Variants in CACNA2D2 observed in about 807,000 individuals in gnomAD.
CACNA2D2 encodes the protein calcium voltage-gated channel auxiliary subunit alpha2delta 2.
Under a neutral mutation model 166.4 loss-of-function variants are expected in CACNA2D2, and 48 were observed. That is an observed-to-expected ratio of 0.29 (90% confidence interval 0.23 to 0.37). The LOEUF (loss-of-function observed/expected upper bound fraction) is 0.37, where lower values mean the gene tolerates loss of function less well. Among genes scored for constraint, CACNA2D2 ranks in the 10% least tolerant of loss-of-function variants. The pLI is 1.00. For missense variants in CACNA2D2, 1,122 were observed against 1,433.0 expected (o/e 0.78, Z 3.50); for synonymous variants, 561 against 573.7 (o/e 0.98, Z 0.32).
chr3:50,445,245 G>T (rs1343998540), intron 2 of CACNA2D2, among the ~76,000 whole-genome samples: 1 of 152,140 alleles, frequency 6.6e-6, no homozygotes, highest in African/African-American at 2.4e-5. Context: ...CATAGGTGCC[G>T]GACCTGGATG....
intron 22 of CACNA2D2, chr3:50,372,970 G>T: frequency 1.1e-6 from 1 of 951,106 alleles, no homozygotes; most frequent in Non-Finnish European, 1.6e-6. Context: ...GGAGAGCAGG[G>T]GTTTGGCTGG....
chr3:50,440,607 C>T (rs1305100308), intron 2 of CACNA2D2, among the ~76,000 whole-genome samples: 2 of 152,248 alleles, frequency 1.3e-5, no homozygotes, highest in Non-Finnish European at 2.9e-5. Flanking sequence ...AATCAGCCTG[C>T]ACGGGCTACA....
chr3:50,371,096 C>T, intron 22 of CACNA2D2, among the ~76,000 whole-genome samples: 1 of 152,020 alleles, frequency 6.6e-6, no homozygotes, highest in East Asian at 1.9e-4. Flanking sequence ...GGAGTGTTCC[C>T]ACAGTGTGGG....
intron 2 of CACNA2D2, among the ~76,000 whole-genome samples, chr3:50,468,303 A>T (rs1709908884): frequency 6.6e-6 from 1 of 151,152 alleles, no homozygotes; most frequent in East Asian, 2.0e-4. Flanking sequence ...GCTGAGTTTG[A>T]ACTGATCTCC....
At chr3:50,382,629 T>C (rs147261885) in intron 6 of CACNA2D2, among the ~76,000 whole-genome samples, 1 of 152,352 alleles carries the variant, frequency 6.6e-6, no homozygotes, top group African/African-American at 2.4e-5. Flanking sequence ...CTGTTCCTAA[T>C]TTAGAAACTT....
intron 1 of CACNA2D2, 125 bp from the exon 2 acceptor site, chr3:50,476,324 AC>A: frequency 1.4e-6 from 1 of 697,064 alleles, no homozygotes; most frequent in Non-Finnish European, 2.5e-6. Flanking sequence ...CTAGAGGAGG[AC>A]CCACAGCAAG....
At chr3:50,446,135 G>A (rs1708835905) in intron 2 of CACNA2D2, among the ~76,000 whole-genome samples, 1 of 152,240 alleles carries the variant, frequency 6.6e-6, no homozygotes, top group Non-Finnish European at 1.5e-5. Context: ...TAAGTTAAGT[G>A]TGCTATGCTC....
chr3:50,406,558 C>G (rs1397588645), intron 3 of CACNA2D2, among the ~76,000 whole-genome samples: 4 of 151,754 alleles, frequency 2.6e-5, no homozygotes, highest in African/African-American at 9.7e-5. Flanking sequence ...TAACCAGCAC[C>G]AATGTCCCCA....
intron 1 of CACNA2D2, among the ~76,000 whole-genome samples, chr3:50,488,698 TTTTG>T (rs1395358161): frequency 6.6e-6 from 1 of 151,432 alleles, no homozygotes; most frequent in African/African-American, 2.4e-5. Flanking sequence ...GGTGTTTTTT[TTTTG>T]TTTGTTTTTG....
At chr3:50,377,975 C>T in intron 15 of CACNA2D2, 33 bp downstream of exon 15, 2 of 1,591,634 alleles carry the variant, frequency 1.3e-6, no homozygotes, top group Non-Finnish European at 1.7e-6. Context: ...GGAAGGGTGC[C>T]AGCCCCACCC....
Position 50,442,890 on chromosome 3 carries a change from G to A in CACNA2D2, c.289-8461C>T, listed in dbSNP as rs1020935339. On this transcript the variant is annotated intron_variant, in intron 2 of 37. Transcript: ENST00000424201. Reference sequence around the variant, plus strand: ...TCCAGGCCTTTGTCTACTCAGATGGGCTGGAGAGCAGGGGAGACAATTCTG... The same window carrying A: ...TCCAGGCCTTTGTCTACTCAGATGGACTGGAGAGCAGGGGAGACAATTCTG... Among the ~76,000 whole-genome samples, 3 of 152,230 alleles carry A rather than the reference G, an allele frequency of 2.0e-5. No individual in the cohort carries two copies. In the South Asian group the frequency reaches 6.2e-4, roughly 31 times the overall value.
At chr3:50,478,100 T>G (rs557066443) in intron 1 of CACNA2D2, among the ~76,000 whole-genome samples, 1 of 151,618 alleles carries the variant, frequency 6.6e-6, no homozygotes, top group Non-Finnish European at 1.5e-5. Context: ...CTTCGGCTTG[T>G]TGCTGGCTGA....
intron 3 of CACNA2D2, among the ~76,000 whole-genome samples, chr3:50,410,480 TG>T (rs34908525): frequency 0.2 from 28,735 of 140,910 alleles, 2,948 homozygotes; most frequent in East Asian, 0.41. Context: ...CTCCCTGGGA[TG>T]GGGGGGGGGG....
In CACNA2D2 at chr3:50,366,815, G is replaced by A. The variant is rs757551734; in HGVS notation, c.2589+16C>T. The A allele has an allele frequency of 2.1e-4, 343 of 1,611,216 alleles. 1 individual carries two copies. Among genetic ancestry groups the A allele is most frequent in the South Asian group, 1.8e-4 (16 of 90,904 alleles). On this transcript the variant is annotated intron_variant, in intron 29 of 37. Transcript: ENST00000424201. This position sits in a 1 kb window ranked among gnomAD's most constrained non-coding sequence, Gnocchi z 5.9. Reference sequence around the variant, plus strand: ...AGGGCACTGCTGGGTTACTGCCCCCGCCCCTGCCCAAATACCTTCTGAGGC... The same window carrying A: ...AGGGCACTGCTGGGTTACTGCCCCCACCCCTGCCCAAATACCTTCTGAGGC...
At chr3:50,469,216 G>T (rs1709960701) in intron 2 of CACNA2D2, among the ~76,000 whole-genome samples, 1 of 152,060 alleles carries the variant, frequency 6.6e-6, no homozygotes, top group South Asian at 2.1e-4. Context: ...CAGTCTTCCG[G>T]GGTATAGGGG....
At chr3:50,476,094 G>A (rs1418256112) in intron 2 of CACNA2D2, 24 bp downstream of exon 2, 1 of 1,568,216 alleles carries the variant, frequency 6.4e-7, no homozygotes, top group African/African-American at 1.4e-5. Flanking sequence ...TCCCTGAAGA[G>A]ACAGCAAGTG....
At position 50,407,951 on chromosome 3, in the gene CACNA2D2, C is replaced by T. The variant is rs987368423; in HGVS notation, c.406-13783G>A. ...ATTTAGGCCTTCGATTCTCCTGGGC[C>T]TCCCTGGACTCAGGGATTGGTGCGG... On this transcript the variant is annotated intron_variant, in intron 3 of 37. Transcript: ENST00000424201. Among the ~76,000 whole-genome samples, 5 of 152,202 alleles carry T rather than the reference C, an allele frequency of 3.3e-5. 1 individual carries two copies. The highest frequency in any genetic ancestry group is 3.3e-4 in the Admixed American group (5 of 15,278).
rs10575478 is a variant in CACNA2D2, at chr3:50,363,466, CTGTGTGTG to C, written c.*1192_*1199del. On this transcript the variant is annotated 3_prime_UTR_variant, in exon 38 of 38. Coordinates refer to ENST00000424201, the MANE Select transcript of CACNA2D2 (RefSeq NM_006030.4). The stretch of plus-strand genomic sequence containing the variant: ...GTGAAGAGCTGTGCCCAGTCCCCAC[CTGTGTGTG>C]TGTGTGTGTGTGTGTGTTCAGCAAG... 49 of 352,934 alleles carry C rather than the reference CTGTGTGTG, an allele frequency of 1.4e-4. 1 individual carries two copies. The South Asian group carries it at 4.4e-3, about 32-fold the overall frequency. The allele number at this position is 352,934 out of a possible 1,614,324, so 21.9% of individuals were successfully genotyped here. A position where few individuals can be genotyped will look rare whatever the true frequency, so the allele number is the denominator to read the frequency against.
chr3:50,420,514 C>T (rs1707498337), intron 3 of CACNA2D2, among the ~76,000 whole-genome samples: 1 of 152,220 alleles, frequency 6.6e-6, no homozygotes, highest in East Asian at 1.9e-4. Flanking sequence ...AGGGCCAAGG[C>T]TTGGGCCACA....
Sources: allele counts gnomAD v4.1 joint callset (sites outside exome capture counted in the v4.1 genomes callset), GRCh38; gene constraint gnomAD v4.1.1; non-coding constraint Gnocchi (gnomAD v3.1); transcripts MANE v1.5; gene names NCBI Gene and HGNC (gene_info 2026-07-23, HGNC 2026-07-21).